SH3D19: variants seen among roughly 807,000 people sequenced by gnomAD.
SH3D19 encodes the protein SH3 domain-containing protein 19.
A neutral mutation model predicts 112.1 loss-of-function variants in SH3D19; 58 were observed. The observed-to-expected ratio is 0.52, with a 90% CI of 0.42 to 0.64. SH3D19 has a LOEUF of 0.64. SH3D19 is among the 30% of genes least tolerant of loss of function. The pLI, the probability that SH3D19 is intolerant of heterozygous loss-of-function variation, is 0.00. For synonymous variants in SH3D19, 391 were observed against 448.5 expected, an observed-to-expected ratio of 0.87 and a Z score of 1.62; for missense variants, 1,090 against 1,263.4, an observed-to-expected ratio of 0.86 and a Z score of 2.08.
chr4:151,270,154 A>C (rs1773133654), intron 1 of SH3D19, among the ~76,000 whole-genome samples: 2 of 152,140 alleles, frequency 1.3e-5, no homozygotes, highest in African/African-American at 4.8e-5. Context: ...CTCATTTATT[A>C]TCATTATCAG....
At chr4:151,269,004 A>C in intron 1 of SH3D19, among the ~76,000 whole-genome samples, 2 of 152,086 alleles carry the variant, frequency 1.3e-5, no homozygotes, top group Non-Finnish European at 2.9e-5. Context: ...TAGATCCCTG[A>C]GGAATTGCCA....
intron 2 of SH3D19, among the ~76,000 whole-genome samples, chr4:151,225,818 C>G (rs1347871630): frequency 6.6e-6 from 1 of 152,128 alleles, no homozygotes; most frequent in Non-Finnish European, 1.5e-5. Context: ...GAAAATATAT[C>G]TGTCACTGAT....
chr4:151,233,723 G>A (rs1769792777), intron 1 of SH3D19, among the ~76,000 whole-genome samples: 1 of 152,198 alleles, frequency 6.6e-6, no homozygotes, highest in Non-Finnish European at 1.5e-5. Context: ...TTTGTGCGGA[G>A]GGGGATAGCA....
chr4:151,249,698 C>T (rs1258635710), intron 1 of SH3D19, among the ~76,000 whole-genome samples: 1 of 151,958 alleles, frequency 6.6e-6, no homozygotes, highest in African/African-American at 2.4e-5. Flanking sequence ...TTTTCAGGAA[C>T]AAAGGAACAG....
intron 13 of SH3D19, 94 bp from the exon 14 acceptor site, chr4:151,137,956 A>C: frequency 1.0e-6 from 1 of 992,324 alleles, no homozygotes. Flanking sequence ...CCACTGAGGC[A>C]GTTATGTTCC....
chr4:151,277,468 T>C (rs1324213426), intron 1 of SH3D19, among the ~76,000 whole-genome samples: 1 of 151,990 alleles, frequency 6.6e-6, no homozygotes, highest in East Asian at 1.9e-4. Flanking sequence ...ACATATTAAA[T>C]GTGTAAATTA....
intron 2 of SH3D19, among the ~76,000 whole-genome samples, chr4:151,216,050 C>T (rs765056238): frequency 9.2e-5 from 14 of 152,090 alleles, no homozygotes; most frequent in Non-Finnish European, 1.5e-4. Context: ...AGGCTGGTCT[C>T]GAACTCCTGA....
chr4:151,313,403 G>T (rs190209087), intron 1 of SH3D19, among the ~76,000 whole-genome samples: 115 of 149,828 alleles, frequency 7.7e-4, no homozygotes, highest in African/African-American at 2.7e-3. Flanking sequence ...CATATTTTAT[G>T]TATTTATTTA....
intron 1 of SH3D19, among the ~76,000 whole-genome samples, chr4:151,319,674 T>C (rs1014271357): frequency 6.6e-6 from 1 of 152,180 alleles, no homozygotes; most frequent in African/African-American, 2.4e-5. Context: ...GATAAAACCT[T>C]CTAACATTTC....
rs370079240 is a variant in SH3D19 at position 151,165,636 on chromosome 4, G to A, written c.1595C>T (p.Pro532Leu). 2 of 1,613,966 alleles carry A rather than the reference G, an allele frequency of 1.2e-6. No individual in the cohort carries two copies. The highest frequency in any genetic ancestry group is 2.2e-5 in the East Asian group (1 of 44,884). Residue 532 changes from proline to leucine, a missense_variant, in exon 8 of 20, where the codon CCC (proline) becomes CTC (leucine). Pro to Leu is a moderately conservative substitution (Grantham distance 98). Coordinates refer to ENST00000604030, the MANE Select transcript of SH3D19 (RefSeq NM_001378122.1). ...PIKERAVQPA[P>L]TRKPTVIRIP... ...TCGAATTACAGTGGGCTTCCTGGTG[G>A]GTGCTGGTTGAACTGCTCGTTCTTT...
intron 12 of SH3D19, among the ~76,000 whole-genome samples, chr4:151,143,285 G>C (rs555142384): frequency 1.3e-5 from 2 of 151,202 alleles, no homozygotes; most frequent in African/African-American, 2.4e-5. Flanking sequence ...ACAAAGGAAA[G>C]CTTTTTGGCA....
intron 2 of SH3D19, among the ~76,000 whole-genome samples, chr4:151,197,140 C>T (rs962281337): frequency 2.0e-5 from 3 of 152,068 alleles, no homozygotes; most frequent in Non-Finnish European, 4.4e-5. Context: ...CAATCCCACT[C>T]CTGGGTATCT....
At chr4:151,203,128 G>A (rs1764627376) in intron 2 of SH3D19, among the ~76,000 whole-genome samples, 1 of 152,098 alleles carries the variant, frequency 6.6e-6, no homozygotes, top group Non-Finnish European at 1.5e-5. Flanking sequence ...ATTCCCACAG[G>A]CCACAGTCCT....
chr4:151,243,427 A>G (rs7699574), intron 1 of SH3D19, among the ~76,000 whole-genome samples: 14,473 of 152,296 alleles, frequency 0.095, 1,305 homozygotes, highest in African/African-American at 0.23. Context: ...GTGAAATTGT[A>G]TAAGTTGTTG....
chr4:151,252,872 A>G (rs188852641), intron 1 of SH3D19, among the ~76,000 whole-genome samples: 5 of 152,170 alleles, frequency 3.3e-5, no homozygotes, highest in Non-Finnish European at 5.9e-5. Context: ...TCTTCTTCTC[A>G]CAACCACATC....
intron 1 of SH3D19, chr4:151,227,992 T>TGCACAGCTG: frequency 1.0e-6 from 1 of 985,438 alleles, no homozygotes; most frequent in Non-Finnish European, 1.2e-6. Context: ...ATGACCAGTC[T>TGCACAGCTG]GCACAGCTGG....
rs113584974 is a variant in SH3D19, at chr4:151,286,982, A to AAATAATAATAATAATAAT, written c.112+38241_112+38258dup. 9.9e-4 allele frequency among the ~76,000 whole-genome samples: 141 copies of AAATAATAATAATAATAAT among 141,834 alleles called. 2 individuals carry two copies. Among genetic ancestry groups the AAATAATAATAATAATAAT allele is most frequent in the African/African-American group, 3.5e-3 (135 of 38,236 alleles). 93.0% of individuals were successfully genotyped at this position (141,834 alleles called of 152,430 possible). ...GTGACAGAGTGAGATTCTGTCTCAA[A>AAATAATAATAATAATAAT]AATAATAATAATAATAATAATAATA... On this transcript the variant is annotated intron_variant, in intron 1 of 19. Coordinates refer to ENST00000604030, the MANE Select transcript of SH3D19 (RefSeq NM_001378122.1).
intron 3 of SH3D19, among the ~76,000 whole-genome samples, chr4:151,184,315 G>A (rs1209605306): frequency 1.3e-5 from 2 of 152,094 alleles, no homozygotes; most frequent in African/African-American, 2.4e-5. Context: ...ATTTTAATGG[G>A]CTGGCTAAGA....
chr4:151,136,158 T>A (rs1323455801), intron 14 of SH3D19, among the ~76,000 whole-genome samples: 1 of 152,230 alleles, frequency 6.6e-6, no homozygotes, highest in Non-Finnish European at 1.5e-5. Context: ...TTTATTTATT[T>A]ATTTTTTGAG....
Sources: allele counts gnomAD v4.1 joint callset (sites outside exome capture counted in the v4.1 genomes callset), GRCh38; gene constraint gnomAD v4.1.1; transcripts MANE v1.5; gene names NCBI Gene and HGNC (gene_info 2026-07-23, HGNC 2026-07-21).